Variants in OR6N1 observed in about 807,000 individuals in gnomAD.
The protein encoded by OR6N1 is olfactory receptor family 6 subfamily N member 1.
For missense variants in OR6N1, 394 were observed against 371.7 expected, an observed-to-expected ratio of 1.06 and a Z score of -0.49; for synonymous variants, 170 against 150.7, an observed-to-expected ratio of 1.13 and a Z score of -0.94.
At chr1:158,807,268 A>G in the OR6N1 span, among the ~76,000 whole-genome samples, 2 of 152,220 alleles carry the variant, frequency 1.3e-5, no homozygotes, top group African/African-American at 4.8e-5. Context: ...TTAAATTTTT[A>G]AAAACATGAA....
chr1:158,821,741 T>G, the OR6N1 span, among the ~76,000 whole-genome samples: 4 of 152,332 alleles, frequency 2.6e-5, no homozygotes, highest in South Asian at 8.3e-4. Flanking sequence ...GAGGCTATAA[T>G]CATGTCTGAA....
Position 158,765,477 on chromosome 1 carries a change from A to G in OR6N1, c.*267T>C, listed in dbSNP as rs1016065488. On this transcript the variant is annotated 3_prime_UTR_variant, in exon 2 of 2. Transcript: ENST00000641846. ...AGATTTTAAAAAAAACCTAAGTGTG[A>G]TACATAAACATCTGAGTTTTGAAAA... 5.8e-6 allele frequency: 2 copies of G among 343,602 alleles called. No individual in the cohort carries two copies. Among genetic ancestry groups the G allele is most frequent in the Admixed American group, 4.3e-5 (1 of 23,294 alleles). 21.3% of individuals were successfully genotyped at this position (343,602 alleles called of 1,614,324 possible).
At chr1:158,788,267 G>C in the OR6N1 span, among the ~76,000 whole-genome samples, 1 of 152,128 alleles carries the variant, frequency 6.6e-6, no homozygotes, top group Non-Finnish European at 1.5e-5. Context: ...TTAATGTTAA[G>C]TCTGCCTAGA....
the OR6N1 span, among the ~76,000 whole-genome samples, chr1:158,805,258 T>C: frequency 6.6e-6 from 1 of 152,242 alleles, no homozygotes; most frequent in African/African-American, 2.4e-5. Context: ...CTGATTATGC[T>C]GCCTTTCAGA....
chr1:158,776,689 T>A, upstream of OR6N1: 1 of 1,586,720 alleles, frequency 6.3e-7, no homozygotes, highest in South Asian at 1.1e-5. Context: ...AAGTCAAAGA[T>A]GAGCAAGACT....
At chr1:158,791,469 A>ATTTTTTTTTT in the OR6N1 span, among the ~76,000 whole-genome samples, 2 of 127,354 alleles carry the variant, frequency 1.6e-5, no homozygotes, top group East Asian at 2.3e-4. Context: ...TATGATTTTG[A>ATTTTTTTTTT]TTTTTTTTTT....
the OR6N1 span, among the ~76,000 whole-genome samples, chr1:158,810,444 G>A: frequency 6.6e-6 from 1 of 152,152 alleles, no homozygotes; most frequent in African/African-American, 2.4e-5. Context: ...CATGTTCCCT[G>A]GAGTTGCTAA....
chr1:158,796,405 A>T, the OR6N1 span, among the ~76,000 whole-genome samples: 1 of 151,964 alleles, frequency 6.6e-6, no homozygotes, highest in Non-Finnish European at 1.5e-5. Flanking sequence ...GGCTTCCTTC[A>T]TTTAGTTTCA....
chr1:158,803,078 G>C, the OR6N1 span, among the ~76,000 whole-genome samples: 2 of 152,126 alleles, frequency 1.3e-5, no homozygotes, highest in African/African-American at 2.4e-5. Flanking sequence ...AAAGAAAGCA[G>C]TTGCTATATT....
the OR6N1 span, among the ~76,000 whole-genome samples, chr1:158,801,329 G>A: frequency 6.6e-6 from 1 of 152,018 alleles, no homozygotes; most frequent in Admixed American, 6.6e-5. Flanking sequence ...GAAAACAGGA[G>A]AGACAGAAAA....
At chr1:158,840,164 A>C in the OR6N1 span, among the ~76,000 whole-genome samples, 1 of 152,190 alleles carries the variant, frequency 6.6e-6, no homozygotes, top group Admixed American at 6.5e-5. Context: ...ATGCATTAAG[A>C]GTTCTTCAAC....
At chr1:158,780,818 C>T in the OR6N1 span, among the ~76,000 whole-genome samples, 1 of 152,202 alleles carries the variant, frequency 6.6e-6, no homozygotes, top group East Asian at 1.9e-4. Flanking sequence ...TTAGAAACCT[C>T]TGCCTTCTAC....
chr1:158,782,192 T>C, the OR6N1 span, among the ~76,000 whole-genome samples: 7 of 152,368 alleles, frequency 4.6e-5, no homozygotes, highest in Middle Eastern at 6.8e-3. Context: ...TTATTATGTA[T>C]AAATGTGTAT....
At chr1:158,811,154 A>C in the OR6N1 span, among the ~76,000 whole-genome samples, 1 of 152,092 alleles carries the variant, frequency 6.6e-6, no homozygotes, top group African/African-American at 2.4e-5. Context: ...CTTTTCCTGT[A>C]TTAATTTGCT....
the OR6N1 span, among the ~76,000 whole-genome samples, chr1:158,790,424 G>T: frequency 7.4e-6 from 1 of 135,998 alleles, no homozygotes; most frequent in Admixed American, 7.4e-5. Context: ...TTTTTGAGAC[G>T]GCATCTCGCT....
the OR6N1 span, among the ~76,000 whole-genome samples, chr1:158,794,243 G>A: frequency 6.6e-6 from 1 of 152,148 alleles, no homozygotes; most frequent in African/African-American, 2.4e-5. Context: ...CTCTTCACAA[G>A]CGTCAGGGCT....
the OR6N1 span, among the ~76,000 whole-genome samples, chr1:158,825,580 A>G: frequency 1.3e-5 from 2 of 152,200 alleles, no homozygotes; most frequent in Non-Finnish European, 2.9e-5. Flanking sequence ...GTGAGAAACC[A>G]TCTCGTACCA....
At chr1:158,837,459 C>A in the OR6N1 span, among the ~76,000 whole-genome samples, 1 of 151,598 alleles carries the variant, frequency 6.6e-6, no homozygotes, top group Admixed American at 6.6e-5. Flanking sequence ...ATGTAATATT[C>A]TTTGTCTCTT....
At chr1:158,788,302 T>C in the OR6N1 span, among the ~76,000 whole-genome samples, 1 of 152,212 alleles carries the variant, frequency 6.6e-6, no homozygotes, top group Non-Finnish European at 1.5e-5. Flanking sequence ...ACAGATCTCA[T>C]CTATCTTGTT....
Sources: allele counts gnomAD v4.1 joint callset (sites outside exome capture counted in the v4.1 genomes callset), GRCh38; gene constraint gnomAD v4.1.1; transcripts MANE v1.5; gene names NCBI Gene and HGNC (gene_info 2026-07-23, HGNC 2026-07-21).